The following MAPK14 variants were observed in gnomAD, a reference collection of about 807,000 sequenced individuals.
MAPK14 encodes the protein CSAID-binding protein.
In MAPK14, 16 loss-of-function variants were observed where a neutral mutation model predicts 49.6. That is an observed-to-expected ratio of 0.32 (90% CI 0.22 to 0.49). The LOEUF is 0.49. Among genes scored for constraint, MAPK14 ranks in the 20% least tolerant of loss-of-function variants. MAPK14 has a pLI of 0.99. For missense variants in MAPK14, 200 were observed against 441.2 expected (o/e 0.45, Z 4.90); for synonymous variants, 142 against 158.0 (o/e 0.90, Z 0.76).
intron 1 of MAPK14, among the ~76,000 whole-genome samples, chr6:36,046,826 G>C (rs1183372443): frequency 6.6e-6 from 1 of 152,214 alleles, no homozygotes; most frequent in Non-Finnish European, 1.5e-5. Flanking sequence ...CAACTCAAGT[G>C]GGCTTCTTAT....
chr6:36,046,445 T>A (rs572787871), intron 1 of MAPK14, among the ~76,000 whole-genome samples: 3 of 152,342 alleles, frequency 2.0e-5, no homozygotes, highest in African/African-American at 7.2e-5. Flanking sequence ...TATTTGAGCT[T>A]TGCCATGGAC....
Position 36,028,253 on chromosome 6 carries a change from T to C in MAPK14, c.96T>C (p.Ser32=), listed in dbSNP as rs1381755253. 1.1e-5 allele frequency: 18 copies of C among 1,613,306 alleles called. No homozygotes were observed. The highest frequency in any genetic ancestry group is 1.3e-5 in the Non-Finnish European group (15 of 1,179,418). Residue 32 remains serine (S), a synonymous_variant, in exon 1 of 12, where the codon TCT becomes TCC. Transcript: ENST00000229794. The surrounding 1 kb of genome is among the most constrained non-coding windows in gnomAD (Gnocchi z 5.1). ...ACCAGAACCTGTCTCCAGTGGGCTC[T>C]GGCGCCTATGGCTCTGTGTGGTGAG... The part of the protein sequence containing the change: ...ERYQNLSPVG[S]GAYGSVCAAF...
Position 36,058,582 on chromosome 6 carries a change from T to C in MAPK14, c.247-707T>C, listed in dbSNP as rs76108754. 7.1e-3 allele frequency among the ~76,000 whole-genome samples: 1,083 copies of C among 152,250 alleles called. 19 individuals carry two copies. Among genetic ancestry groups the C allele is most frequent in the African/African-American group, 0.024 (1,009 of 41,552 alleles). Reference sequence around the variant, plus strand: ...GATGTTATGGAACTGAGGTAGCTGGTTTTGAATTAGTTCCTATTAAAATGA... The same window carrying C: ...GATGTTATGGAACTGAGGTAGCTGGCTTTGAATTAGTTCCTATTAAAATGA... On this transcript the variant is annotated intron_variant, in intron 2 of 11. Coordinates refer to ENST00000229794, the MANE Select transcript of MAPK14 (RefSeq NM_139012.3).
At chr6:36,053,835 C>T (rs1763490522) in intron 2 of MAPK14, among the ~76,000 whole-genome samples, 1 of 152,148 alleles carries the variant, frequency 6.6e-6, no homozygotes, top group African/African-American at 2.4e-5. Flanking sequence ...AAATTGAGAA[C>T]ATTAAGACTT....
intron 3 of MAPK14, among the ~76,000 whole-genome samples, chr6:36,066,381 G>A (rs939083869): frequency 2.0e-5 from 3 of 149,688 alleles, no homozygotes; most frequent in African/African-American, 5.1e-5. Context: ...GGCCTGTCTC[G>A]TTTTCCAATT....
At chr6:36,048,580 A>G (rs1763276498) in intron 1 of MAPK14, among the ~76,000 whole-genome samples, 1 of 152,270 alleles carries the variant, frequency 6.6e-6, no homozygotes, top group African/African-American at 2.4e-5. Context: ...AATGAAGAGC[A>G]GTTGACTTTG....
rs1765860569 is a variant in MAPK14, at chr6:36,108,290, G to A, written c.1016-90G>A. The stretch of plus-strand genomic sequence containing the variant: ...CATCAAACCACTACCTGGACAGAGA[G>A]GAAGGATCTTGAGCTTAGAAGTCAG... On this transcript the variant is annotated intron_variant, in intron 11 of 11. Transcript: ENST00000229794. The A allele has an allele frequency of 7.5e-6, 7 of 936,788 alleles. No homozygotes were observed. The Admixed American group carries it at 1.2e-4, about 17-fold the overall frequency. The allele number at this position is 936,788 out of a possible 1,614,324, so 58.0% of individuals were successfully genotyped here. A position where few individuals can be genotyped will look rare whatever the true frequency, so the allele number is the denominator to read the frequency against.
the MAPK14 span, among the ~76,000 whole-genome samples, chr6:36,122,484 A>G: frequency 2.6e-5 from 4 of 152,236 alleles, no homozygotes; most frequent in African/African-American, 9.6e-5. Context: ...CATCCCTGCC[A>G]TTCGGCCAGT....
chr6:36,071,335 G>GA lies in MAPK14; in HGVS notation c.306-1524dup, dbSNP rs1352568678. 3.5e-3 allele frequency among the ~76,000 whole-genome samples: 477 copies of GA among 134,634 alleles called. 2 individuals are homozygous for GA. The highest frequency in any genetic ancestry group is 7.8e-3 in the Middle Eastern group (2 of 256). The allele number at this position is 134,634 out of a possible 152,430, so 88.3% of individuals were successfully genotyped here. A position where few individuals can be genotyped will look rare whatever the true frequency, so the allele number is the denominator to read the frequency against. ...GCGACAGAGCAAGGCTCTGTCTCAA[G>GA]AAAAAAAAAAAAAATCAGCCTTTTT... On this transcript the variant is annotated intron_variant, in intron 3 of 11. Transcript: ENST00000229794.
In MAPK14 at chr6:36,094,441, A is replaced by G. The variant is rs376631692; in HGVS notation, c.683-1546A>G. Among the ~76,000 whole-genome samples, 16 of 152,364 alleles carry G rather than the reference A, an allele frequency of 1.1e-4. No individual in the cohort carries two copies. In the East Asian group the frequency reaches 1.7e-3, roughly 17 times the overall value. ...GCTGTGTTCTAATAAAACTTTATAT[A>G]TAAAACAGGCAGAGCCTGGGGTTTG... On this transcript the variant is annotated intron_variant, in intron 8 of 11. Coordinates refer to ENST00000229794, the MANE Select transcript of MAPK14 (RefSeq NM_139012.3).
chr6:36,033,523 G>A (rs1278436413), intron 1 of MAPK14, among the ~76,000 whole-genome samples: 1 of 152,144 alleles, frequency 6.6e-6, no homozygotes, highest in Non-Finnish European at 1.5e-5. Flanking sequence ...TACCATGTTG[G>A]TCAGGCCAGT....
At position 36,036,772 on chromosome 6, in the gene MAPK14, G is replaced by A. The variant is rs996981592; in HGVS notation, c.116+8499G>A. ...ATTTATTTTTTCTAGATGGAGTCTC[G>A]CTCTGTTGCCCAGCCTGGAGTGCAG... On this transcript the variant is annotated intron_variant, in intron 1 of 11. Coordinates refer to ENST00000229794, the MANE Select transcript of MAPK14 (RefSeq NM_139012.3). Among the ~76,000 whole-genome samples the A allele has an allele frequency of 7.9e-5, 12 of 152,002 alleles. No homozygotes were observed. In the South Asian group the frequency reaches 8.4e-4, roughly 11 times the overall value.
the MAPK14 span, among the ~76,000 whole-genome samples, chr6:36,121,067 C>G: frequency 3.3e-5 from 5 of 152,180 alleles, no homozygotes; most frequent in East Asian, 1.9e-4. Context: ...CCCCACCCCC[C>G]CTCCTTGGCA....
chr6:36,092,003 C>T (rs546006506), intron 8 of MAPK14: 62 of 368,904 alleles, frequency 1.7e-4, no homozygotes, highest in South Asian at 1.3e-3. Context: ...AATTTCAGGA[C>T]GGGCACTTCA....
At chr6:36,054,075 G>A (rs533893192) in intron 2 of MAPK14, among the ~76,000 whole-genome samples, 2 of 152,062 alleles carry the variant, frequency 1.3e-5, no homozygotes, top group East Asian at 3.9e-4. Context: ...TGAGATATGC[G>A]GAAAAAGCTG....
the MAPK14 span, among the ~76,000 whole-genome samples, chr6:36,117,861 G>A: frequency 6.6e-6 from 1 of 152,176 alleles, no homozygotes; most frequent in Admixed American, 6.5e-5. Context: ...AGTCCTTATT[G>A]ACCGAGTCCA....
chr6:36,066,690 T>A (rs977786763), intron 3 of MAPK14, among the ~76,000 whole-genome samples: 5 of 152,232 alleles, frequency 3.3e-5, no homozygotes, highest in African/African-American at 9.6e-5. Context: ...TGAGAATAAC[T>A]ATTGATACTT....
At chr6:36,056,822 G>A (rs1474509356) in intron 2 of MAPK14, among the ~76,000 whole-genome samples, 1 of 152,122 alleles carries the variant, frequency 6.6e-6, no homozygotes, top group African/African-American at 2.4e-5. Context: ...ATATTGGAAC[G>A]GTGAATAAAG....
At chr6:36,093,996 A>T (rs925316109) in intron 8 of MAPK14, among the ~76,000 whole-genome samples, 4 of 152,168 alleles carry the variant, frequency 2.6e-5, no homozygotes, top group African/African-American at 4.8e-5. Flanking sequence ...GATGAGCAAG[A>T]ATTTTTTTTA....
Sources: gnomAD v4.1 joint callset for allele counts (sites outside exome capture counted in the v4.1 genomes callset) on GRCh38, gnomAD v4.1.1 for gene constraint, Gnocchi (gnomAD v3.1) non-coding constraint, MANE v1.5 for transcripts, NCBI Gene and HGNC (gene_info 2026-07-23, HGNC 2026-07-21) for gene names.